The following MPP2 variants were observed in gnomAD, a reference collection of about 807,000 sequenced individuals.
MPP2 encodes MAGUK p55 subfamily member 2.
MPP2 carries 42 observed loss-of-function variants against 58.5 expected under a neutral mutation model. That is an observed-to-expected ratio of 0.72 (90% CI 0.56 to 0.93). The LOEUF is 0.93. Ranked by LOEUF, MPP2 falls within the 40% of genes least tolerant of loss-of-function variation. The probability of loss-of-function intolerance (pLI) is 0.00; values close to 1 mark genes in which losing one functional copy is unlikely to be tolerated. For missense variants in MPP2, 632 were observed against 760.4 expected (o/e 0.83, Z 1.99); for synonymous variants, 300 against 307.8 (o/e 0.97, Z 0.26).
intron 2 of MPP2, chr17:43,900,647 G>A: frequency 4.2e-6 from 6 of 1,433,042 alleles, no homozygotes; most frequent in African/African-American, 1.4e-5. Flanking sequence ...GAAGGCGGGA[G>A]TCGAGGAGCG....
intron 4 of MPP2, 45 bp from the exon 5 acceptor site, chr17:43,883,097 G>C: frequency 6.3e-7 from 1 of 1,576,816 alleles, no homozygotes; most frequent in African/African-American, 1.3e-5. Flanking sequence ...CAGTGTCCCG[G>C]GTCTCTTCCC....
intron 3 of MPP2, among the ~76,000 whole-genome samples, chr17:43,886,362 G>A (rs1457944931): frequency 6.6e-6 from 1 of 151,736 alleles, no homozygotes; most frequent in East Asian, 2.0e-4. Flanking sequence ...TCAGCTCACT[G>A]CAACCTCTGC....
intron 3 of MPP2, among the ~76,000 whole-genome samples, chr17:43,891,626 T>C (rs2047610773): frequency 6.6e-6 from 1 of 151,864 alleles, no homozygotes; most frequent in South Asian, 2.1e-4. Context: ...CTGGGCATGG[T>C]GGCTCACACC....
At chr17:43,885,870 G>T (rs938195376) in intron 3 of MPP2, among the ~76,000 whole-genome samples, 58 of 152,244 alleles carry the variant, frequency 3.8e-4, no homozygotes, top group Non-Finnish European at 8.8e-5. Flanking sequence ...CGCACTTTGG[G>T]AAGCCAAGGC....
In MPP2 at chr17:43,877,564, T is replaced by G. The variant is rs1010407474; in HGVS notation, c.*243A>C. ...GGGCATAGCTTGGCCCTCAGAGATA[T>G]CTGGTGACCAATGGGCATCAGGAGT... On this transcript the variant is annotated 3_prime_UTR_variant, in exon 13 of 13. Transcript: ENST00000269095. 3.8e-6 allele frequency: 2 copies of G among 527,612 alleles called. No homozygotes were observed. The highest frequency in any genetic ancestry group is 6.9e-6 in the Non-Finnish European group (2 of 291,828). The allele number at this position is 527,612 out of a possible 1,614,324, so 32.7% of individuals were successfully genotyped here. A position where few individuals can be genotyped will look rare whatever the true frequency, so the allele number is the denominator to read the frequency against.
rs1043724551 is a variant in MPP2, at chr17:43,880,277, G to C, written c.1151-293C>G. On this transcript the variant is annotated intron_variant, in intron 10 of 12. Coordinates refer to ENST00000269095, the MANE Select transcript of MPP2 (RefSeq NM_005374.5). This position sits in a 1 kb window ranked among gnomAD's most constrained non-coding sequence, Gnocchi z 5.2. ...CACACAGCAAGAGCCAAGCAGACCA[G>C]GGCAGTGCTCTTAGTCCTGCCTCTG... Among the ~76,000 whole-genome samples, 3 of 152,104 alleles carry C rather than the reference G, an allele frequency of 2.0e-5. No homozygotes were observed. Among genetic ancestry groups the C allele is most frequent in the African/African-American group, 7.2e-5 (3 of 41,428 alleles).
At chr17:43,881,610 A>G in intron 6 of MPP2, 21 bp from the exon 7 acceptor site, 2 of 1,588,760 alleles carry the variant, frequency 1.3e-6, no homozygotes, top group Non-Finnish European at 1.7e-6. Flanking sequence ...GAATCAGCAA[A>G]GGGTCGGGGG....
At chr17:43,897,342 G>A (rs1472858238) in intron 3 of MPP2, among the ~76,000 whole-genome samples, 1 of 152,086 alleles carries the variant, frequency 6.6e-6, no homozygotes, top group Non-Finnish European at 1.5e-5. Context: ...TTAGCTGGGC[G>A]TGGTGGCACA....
chr17:43,902,551 C>A (rs915710485), intron 2 of MPP2, among the ~76,000 whole-genome samples: 1 of 152,188 alleles, frequency 6.6e-6, no homozygotes, highest in Non-Finnish European at 1.5e-5. Flanking sequence ...TCTGATGCTG[C>A]AGAAGCTGGG....
intron 3 of MPP2, among the ~76,000 whole-genome samples, chr17:43,888,437 G>A (rs2047460319): frequency 6.6e-6 from 1 of 152,236 alleles, no homozygotes; most frequent in Admixed American, 6.5e-5. Flanking sequence ...GCCCCAGAGT[G>A]AGGGAGGCGT....
intron 3 of MPP2, among the ~76,000 whole-genome samples, chr17:43,896,574 C>T (rs1220218584): frequency 1.3e-5 from 2 of 152,054 alleles, no homozygotes; most frequent in African/African-American, 4.8e-5. Context: ...GAGCCTCTCT[C>T]ACCAGCTCCC....
At chr17:43,883,423 C>G (rs560487254) in intron 3 of MPP2, 68 bp from the exon 4 acceptor site, 1 of 1,524,962 alleles carries the variant, frequency 6.6e-7, no homozygotes, top group African/African-American at 1.4e-5. Context: ...CAAGCAGGGT[C>G]CTCCCTCAGC....
intron 2 of MPP2, among the ~76,000 whole-genome samples, chr17:43,901,106 AG>A (rs1440710479): frequency 2.6e-5 from 4 of 152,056 alleles, no homozygotes; most frequent in Non-Finnish European, 1.5e-5. Context: ...CCTCAGTCTA[AG>A]GAAGTCCCCA....
At chr17:43,907,595 G>GA, upstream of MPP2, 2 of 985,568 alleles carry the variant, frequency 2.0e-6, no homozygotes, top group Non-Finnish European at 2.4e-6. Context: ...AGGGGGCGGA[G>GA]GTCCGGAGGA....
At chr17:43,891,254 T>C (rs1329446061) in intron 3 of MPP2, among the ~76,000 whole-genome samples, 1 of 152,180 alleles carries the variant, frequency 6.6e-6, no homozygotes, top group Non-Finnish European at 1.5e-5. Flanking sequence ...GGGTGGCTCA[T>C]GCCTGTAATT....
chr17:43,897,865 A>C (rs924615667), intron 3 of MPP2, among the ~76,000 whole-genome samples: 1 of 152,212 alleles, frequency 6.6e-6, no homozygotes, highest in African/African-American at 2.4e-5. Context: ...AAATTGTCCT[A>C]TAATTTTCTC....
intron 3 of MPP2, among the ~76,000 whole-genome samples, chr17:43,895,462 CATT>C (rs1010029629): frequency 1.3e-5 from 2 of 152,134 alleles, no homozygotes; most frequent in African/African-American, 4.8e-5. Context: ...TCAAAACAAA[CATT>C]ATTAACATTT....
chr17:43,901,748 G>A (rs1001399569), intron 2 of MPP2, among the ~76,000 whole-genome samples: 2 of 152,158 alleles, frequency 1.3e-5, no homozygotes, highest in African/African-American at 4.8e-5. Flanking sequence ...GAGATGCCAG[G>A]TTCAGGATCT....
At chr17:43,892,754 A>G (rs1352871031) in intron 3 of MPP2, among the ~76,000 whole-genome samples, 1 of 152,212 alleles carries the variant, frequency 6.6e-6, no homozygotes, top group Admixed American at 6.5e-5. Flanking sequence ...AATCCTGACC[A>G]GCTTCTCGCC....
Sources: gnomAD v4.1 joint callset for allele counts (sites outside exome capture counted in the v4.1 genomes callset) on GRCh38, gnomAD v4.1.1 for gene constraint, Gnocchi (gnomAD v3.1) non-coding constraint, MANE v1.5 for transcripts, NCBI Gene and HGNC (gene_info 2026-07-23, HGNC 2026-07-21) for gene names.